CLVS1: variants seen among roughly 807,000 people sequenced by gnomAD.
The protein encoded by CLVS1 is clavesin 1.
In CLVS1, 10 loss-of-function variants were observed where a neutral mutation model predicts 33.1. The ratio of observed to expected loss-of-function variants is 0.30; its 90% CI spans 0.19 to 0.51. The LOEUF (loss-of-function observed/expected upper bound fraction) is 0.51. CLVS1 is among the 20% of genes least tolerant of loss of function. The probability of loss-of-function intolerance (pLI) is 0.97; values close to 1 mark genes in which losing one functional copy is unlikely to be tolerated. For synonymous variants in CLVS1, 163 were observed against 166.1 expected (o/e 0.98, Z 0.14); for missense variants, 343 against 433.4 (o/e 0.79, Z 1.85).
At chr8:61,439,037 G>T (rs1426420358) in intron 3 of CLVS1, among the ~76,000 whole-genome samples, 4 of 152,188 alleles carry the variant, frequency 2.6e-5, no homozygotes, top group Non-Finnish European at 4.4e-5. Flanking sequence ...ATATTTGTGT[G>T]ATTCAAATTT....
At chr8:61,169,558 T>G (rs1018396183) in intron 2 of CLVS1, among the ~76,000 whole-genome samples, 3 of 152,190 alleles carry the variant, frequency 2.0e-5, no homozygotes, top group African/African-American at 4.8e-5. Context: ...ATCTACATAA[T>G]AAGACAACCT....
At chr8:60,976,113 C>T in the CLVS1 span, among the ~76,000 whole-genome samples, 1 of 152,146 alleles carries the variant, frequency 6.6e-6, no homozygotes, top group Non-Finnish European at 1.5e-5. Context: ...GACCTTCTAG[C>T]TTTAAATTTT....
chr8:61,249,451 G>C (rs1376911482), intron 2 of CLVS1, among the ~76,000 whole-genome samples: 3 of 152,158 alleles, frequency 2.0e-5, no homozygotes, highest in African/African-American at 7.2e-5. Context: ...TGGGATTGCT[G>C]GGTCAGATGG....
intron 2 of CLVS1, among the ~76,000 whole-genome samples, chr8:61,268,041 A>G (rs2129347): frequency 0.54 from 81,335 of 151,346 alleles, 22,830 homozygotes; most frequent in East Asian, 0.97. Context: ...TATACTTTAA[A>G]TTTTAGGGTA....
intron 2 of CLVS1, among the ~76,000 whole-genome samples, chr8:61,340,027 AAAG>A (rs1441043118): frequency 6.6e-6 from 1 of 151,666 alleles, no homozygotes; most frequent in Non-Finnish European, 1.5e-5. Flanking sequence ...AAAGAAAGGA[AAAG>A]AAAGAAAAAA....
chr8:61,455,901 A>G (rs1817137876), intron 4 of CLVS1, among the ~76,000 whole-genome samples: 1 of 152,194 alleles, frequency 6.6e-6, no homozygotes, highest in Non-Finnish European at 1.5e-5. Flanking sequence ...AATGGGGTAG[A>G]GCAGGGGTAA....
intron 2 of CLVS1, among the ~76,000 whole-genome samples, chr8:61,147,770 T>TG (rs1278197389): frequency 6.6e-6 from 1 of 152,242 alleles, no homozygotes; most frequent in Non-Finnish European, 1.5e-5. Flanking sequence ...AGATCAATGC[T>TG]TATAAAAGTG....
chr8:61,303,887 A>G (rs1230053762), intron 2 of CLVS1, among the ~76,000 whole-genome samples: 2 of 152,234 alleles, frequency 1.3e-5, no homozygotes, highest in East Asian at 1.9e-4. Flanking sequence ...CACTAATACT[A>G]TGAAAGATTC....
intron 1 of CLVS1, among the ~76,000 whole-genome samples, chr8:61,100,628 C>T (rs1050139577): frequency 1.3e-5 from 2 of 152,132 alleles, no homozygotes; most frequent in Non-Finnish European, 2.9e-5. Flanking sequence ...AGTATATTCA[C>T]AGATTTGTGT....
chr8:61,032,769 C>CAA, the CLVS1 span, among the ~76,000 whole-genome samples: 977 of 152,070 alleles, frequency 6.4e-3, 5 homozygotes, highest in African/African-American at 0.021. Flanking sequence ...TTTCTGGCTT[C>CAA]AAAATTTCTT....
chr8:61,163,448 C>T (rs1806790216), intron 2 of CLVS1, among the ~76,000 whole-genome samples: 1 of 152,266 alleles, frequency 6.6e-6, no homozygotes, highest in East Asian at 1.9e-4. Flanking sequence ...GATCTTTTGA[C>T]TTAGAAAGAC....
chr8:61,208,180 T>C (rs1195722712), intron 2 of CLVS1, among the ~76,000 whole-genome samples: 1 of 152,248 alleles, frequency 6.6e-6, no homozygotes, highest in Admixed American at 6.5e-5. Context: ...TTTTTCTCTG[T>C]GATCCATCAC....
intron 2 of CLVS1, among the ~76,000 whole-genome samples, chr8:61,200,425 C>A (rs1807703967): frequency 6.6e-6 from 1 of 152,208 alleles, no homozygotes; most frequent in African/African-American, 2.4e-5. Context: ...CCAGCCTACA[C>A]TTACCATTAG....
At chr8:61,103,818 C>G (rs1805488956) in intron 1 of CLVS1, among the ~76,000 whole-genome samples, 1 of 152,164 alleles carries the variant, frequency 6.6e-6, no homozygotes, top group Non-Finnish European at 1.5e-5. Context: ...AAGGGGTGAA[C>G]TTTAGGCAAG....
intron 2 of CLVS1, among the ~76,000 whole-genome samples, chr8:61,165,348 G>T (rs1806839633): frequency 6.6e-6 from 1 of 152,210 alleles, no homozygotes; most frequent in South Asian, 2.1e-4. Context: ...GAAATAGAGT[G>T]AAAACAGAGC....
intron 2 of CLVS1, among the ~76,000 whole-genome samples, chr8:61,248,871 C>T (rs1808874939): frequency 6.6e-6 from 1 of 151,988 alleles, no homozygotes; most frequent in South Asian, 2.1e-4. Flanking sequence ...GCTAATCATA[C>T]ATATGAGGTT....
At chr8:61,349,007 C>T (rs535204502) in intron 2 of CLVS1, among the ~76,000 whole-genome samples, 1 of 152,182 alleles carries the variant, frequency 6.6e-6, no homozygotes, top group Non-Finnish European at 1.5e-5. Context: ...ATCTGTCGGC[C>T]ATTTGTATGT....
upstream of CLVS1, among the ~76,000 whole-genome samples, chr8:61,054,254 G>A (rs1804435215): frequency 6.6e-6 from 1 of 152,184 alleles, no homozygotes; most frequent in Admixed American, 6.5e-5. Flanking sequence ...TCCTGCAGCA[G>A]CCTCTGACGC....
intron 1 of CLVS1, among the ~76,000 whole-genome samples, chr8:61,077,199 G>A (rs1241066377): frequency 1.4e-4 from 21 of 148,378 alleles, no homozygotes; most frequent in Non-Finnish European, 4.5e-5. Context: ...TCAGCCTCCC[G>A]AGTAGCTGGG....
Sources: gnomAD v4.1 joint callset for allele counts (sites outside exome capture counted in the v4.1 genomes callset) on GRCh38, gnomAD v4.1.1 for gene constraint, MANE v1.5 for transcripts, NCBI Gene and HGNC (gene_info 2026-07-23, HGNC 2026-07-21) for gene names.